Variants in EXPH5 observed in about 807,000 individuals in gnomAD.
The protein encoded by EXPH5 is exophilin 5, also known as exophilin-5.
A neutral mutation model predicts 41.1 loss-of-function variants in EXPH5; 42 were observed. The observed-to-expected ratio is 1.02, with a 90% CI of 0.80 to 1.32. The LOEUF (loss-of-function observed/expected upper bound fraction) is 1.32, where lower values mean the gene tolerates loss of function less well. EXPH5 is among the 40% of genes most tolerant of loss of function. The pLI, the probability that EXPH5 is intolerant of heterozygous loss-of-function variation, is 0.00. For synonymous variants in EXPH5, 798 were observed against 833.5 expected (o/e 0.96, Z 0.73); for missense variants, 2,298 against 2,314.5 (o/e 0.99, Z 0.15).
At chr11:108,555,585 TC>T (rs1274486971) in intron 1 of EXPH5, among the ~76,000 whole-genome samples, 1 of 152,120 alleles carries the variant, frequency 6.6e-6, no homozygotes. Flanking sequence ...TTTGGTTGTG[TC>T]CCCACCCAAA....
Position 108,541,633 on chromosome 11 carries a change from T to C in EXPH5, c.280+19A>G. On this transcript the variant is annotated intron_variant, in intron 2 of 5. Transcript: ENST00000265843. ...CAGAAACAAAGAAATCAACTTTAAATCTAAAATCTTTTTCTTACCATTTTT... is the reference window on the plus strand; with the variant it reads ...CAGAAACAAAGAAATCAACTTTAAACCTAAAATCTTTTTCTTACCATTTTT... 2 of 1,559,564 alleles carry C rather than the reference T, an allele frequency of 1.3e-6. No individual in the cohort carries two copies. The highest frequency in any genetic ancestry group is 2.3e-5 in the South Asian group (2 of 86,196).
At chr11:108,579,527 T>A (rs1351422323) in intron 1 of EXPH5, among the ~76,000 whole-genome samples, 1 of 151,382 alleles carries the variant, frequency 6.6e-6, no homozygotes, top group Admixed American at 6.6e-5. Flanking sequence ...CTTATACAAT[T>A]AGTTTGGAAG....
At chr11:108,532,818 C>G (rs571201124) in intron 3 of EXPH5, among the ~76,000 whole-genome samples, 40 of 152,162 alleles carry the variant, frequency 2.6e-4, no homozygotes, top group Non-Finnish European at 5.7e-4. Flanking sequence ...ATGACTATCT[C>G]ATACTTGAAG....
chr11:108,565,045 A>C (rs993165208), intron 1 of EXPH5, among the ~76,000 whole-genome samples: 1 of 151,764 alleles, frequency 6.6e-6, no homozygotes, highest in Non-Finnish European at 1.5e-5. Context: ...AGCTGGGATC[A>C]CAGGCACCCA....
chr11:108,561,954 T>C (rs956732531), intron 1 of EXPH5, among the ~76,000 whole-genome samples: 2 of 152,032 alleles, frequency 1.3e-5, no homozygotes, highest in African/African-American at 4.8e-5. Context: ...ACTAGCCTGG[T>C]TGATTGATTG....
upstream of EXPH5, among the ~76,000 whole-genome samples, chr11:108,597,839 A>G (rs145047782): frequency 6.6e-6 from 1 of 152,192 alleles, no homozygotes; most frequent in African/African-American, 2.4e-5. Flanking sequence ...GTTAAAAAAA[A>G]CCACAAAAAC....
chr11:108,529,392 G>A (rs2093821959), intron 3 of EXPH5, among the ~76,000 whole-genome samples: 1 of 152,122 alleles, frequency 6.6e-6, no homozygotes, highest in Non-Finnish European at 1.5e-5. Flanking sequence ...GAGTGTAGTG[G>A]TATGATCTCA....
intron 3 of EXPH5, chr11:108,538,086 C>CCT: frequency 1.0e-6 from 1 of 985,314 alleles, no homozygotes; most frequent in Non-Finnish European, 1.2e-6. Flanking sequence ...AGTGAAAAAC[C>CCT]CTCCATTCAC....
chr11:108,539,190 G>A lies in EXPH5; in HGVS notation c.281-4C>T, dbSNP rs1565807744. 2.6e-6 allele frequency: 4 copies of A among 1,537,558 alleles called. No individual in the cohort carries two copies. The highest frequency in any genetic ancestry group is 2.1e-5 in the Admixed American group (1 of 47,700). On this transcript the variant is annotated splice_region_variant and splice_polypyrimidine_tract_variant and intron_variant, in intron 2 of 5. Coordinates refer to ENST00000265843, the MANE Select transcript of EXPH5 (RefSeq NM_015065.3). Reference sequence around the variant, plus strand: ...GATGTAGGTAATTCTATCGGATCTAGAAAAAAAAATTGTAAAAATTTTGCA... The same window carrying A: ...GATGTAGGTAATTCTATCGGATCTAAAAAAAAAAATTGTAAAAATTTTGCA...
Position 108,511,448 on chromosome 11 carries a change from A to G in EXPH5, c.4059T>C (p.Ala1353=). The stretch of plus-strand genomic sequence containing the variant: ...TAGATTCCTCTTCAGGAAGAGAAAC[A>G]GCTGCCTCAACAGAAGCCATTTCCT... ...TLQEMASVEA[A]VSLPEEESKA... is the part of the protein sequence containing the mutation. Residue 1353 remains alanine, a synonymous_variant, in exon 6 of 6, where the codon GCT becomes GCC. Transcript: ENST00000265843. The G allele has an allele frequency of 6.3e-7, 1 of 1,584,954 alleles. No homozygotes were observed.
chr11:108,545,139 C>T (rs1303607996), intron 1 of EXPH5, among the ~76,000 whole-genome samples: 2 of 152,150 alleles, frequency 1.3e-5, no homozygotes, highest in Non-Finnish European at 1.5e-5. Flanking sequence ...CCAGGCTGGG[C>T]ATGGTGGCTC....
chr11:108,547,700 T>C (rs1591723092), intron 1 of EXPH5, among the ~76,000 whole-genome samples: 1 of 151,876 alleles, frequency 6.6e-6, no homozygotes, highest in Non-Finnish European at 1.5e-5. Context: ...GAATCTTTCT[T>C]TGTTTAATAA....
In EXPH5 at chr11:108,577,755, T is replaced by C. The variant is rs562568532; in HGVS notation, c.119+15663A>G. Among the ~76,000 whole-genome samples, 101 of 152,326 alleles carry C rather than the reference T, an allele frequency of 6.6e-4. 1 individual carries two copies. Among genetic ancestry groups the C allele is most frequent in the Admixed American group, 1.2e-3 (18 of 15,310 alleles). On this transcript the variant is annotated intron_variant, in intron 1 of 5. Transcript: ENST00000265843. Reference sequence around the variant, plus strand: ...AGCCATTTTAACTGGGGTGAAATGATATTTCATTGTAGTTTTGATTTGTAT... The same window carrying C: ...AGCCATTTTAACTGGGGTGAAATGACATTTCATTGTAGTTTTGATTTGTAT...
chr11:108,557,078 G>T (rs190595806), intron 1 of EXPH5, among the ~76,000 whole-genome samples: 2 of 152,278 alleles, frequency 1.3e-5, no homozygotes, highest in Admixed American at 1.3e-4. Context: ...CTATGCCTTT[G>T]TGCCATTTAG....
chr11:108,545,330 T>C (rs2093933124), intron 1 of EXPH5, among the ~76,000 whole-genome samples: 1 of 152,122 alleles, frequency 6.6e-6, no homozygotes, highest in Admixed American at 6.6e-5. Context: ...ATATATGTAA[T>C]ATTCAATATA....
chr11:108,513,436 T>C lies in EXPH5; in HGVS notation c.2071A>G (p.Asn691Asp). The part of the protein sequence containing the change: ...DSLPLAKSQP[N>D]ILVTEVNNEK... ...TTATTTACTTCTGTGACCAAGATAT[T>C]GGGCTGGCTTTTGGCAAGAGGCAGA... The change falls in exon 6 of 6, where the codon AAT (asparagine) becomes GAT (aspartate). Residue 691 changes from asparagine to aspartate, a missense_variant. Asn to Asp is a conservative substitution (Grantham distance 23). Transcript: ENST00000265843. The C allele has an allele frequency of 1.2e-6, 2 of 1,613,442 alleles. No homozygotes were observed. Among genetic ancestry groups the C allele is most frequent in the Non-Finnish European group, 1.7e-6 (2 of 1,179,730 alleles).
chr11:108,511,510 G>T lies in EXPH5; in HGVS notation c.3997C>A (p.Arg1333=). The change falls in exon 6 of 6, where the codon CGA becomes AGA. Residue 1333 remains arginine (R), a synonymous_variant. Coordinates refer to ENST00000265843, the MANE Select transcript of EXPH5 (RefSeq NM_015065.3). ...GCTAGGGGCCCCCTATTTGATAATC[G>T]GAAGGCAGTCATATTTTCAGTGGTG... The part of the protein sequence containing the change: ...TLTTENMTAF[R]LSNRGPLAPT... 6.3e-7 allele frequency: 1 copy of T among 1,596,228 alleles called. No homozygotes were observed. Among genetic ancestry groups the T allele is most frequent in the South Asian group, 1.1e-5 (1 of 87,098 alleles).
chr11:108,549,972 G>A (rs1267745460), intron 1 of EXPH5, among the ~76,000 whole-genome samples: 1 of 152,156 alleles, frequency 6.6e-6, no homozygotes, highest in African/African-American at 2.4e-5. Context: ...GTCAACAGCT[G>A]GAAAATTCAA....
At chr11:108,583,509 A>G (rs1211564258) in intron 1 of EXPH5, among the ~76,000 whole-genome samples, 7 of 152,082 alleles carry the variant, frequency 4.6e-5, no homozygotes, top group Admixed American at 4.6e-4. Flanking sequence ...CTCAGCAAGC[A>G]AGAAATAGAA....
Sources: gnomAD v4.1 joint callset for allele counts (sites outside exome capture counted in the v4.1 genomes callset) on GRCh38, gnomAD v4.1.1 for gene constraint, MANE v1.5 for transcripts, NCBI Gene and HGNC (gene_info 2026-07-23, HGNC 2026-07-21) for gene names.